The following PRKACB variants were observed in gnomAD, a reference collection of about 807,000 sequenced individuals.
PRKACB encodes protein kinase cAMP-activated catalytic subunit beta.
In PRKACB, 16 loss-of-function variants were observed where a neutral mutation model predicts 51.4. That is an observed-to-expected ratio of 0.31 (90% CI 0.21 to 0.47). PRKACB has a LOEUF of 0.47. Ranked by LOEUF, PRKACB falls within the 20% of genes least tolerant of loss-of-function variation. The pLI, the probability that PRKACB is intolerant of heterozygous loss-of-function variation, is 1.00. For missense variants in PRKACB, 309 were observed against 464.5 expected (o/e 0.67, Z 3.08); for synonymous variants, 147 against 154.4 (o/e 0.95, Z 0.35).
At chr1:84,204,336 T>C (rs1670975339) in intron 8 of PRKACB, 1 of 497,902 alleles carries the variant, frequency 2.0e-6, no homozygotes. Flanking sequence ...TAGCTAGGTG[T>C]TGAATGCTGT....
intron 8 of PRKACB, among the ~76,000 whole-genome samples, chr1:84,207,279 A>G (rs758762073): frequency 5.9e-5 from 9 of 152,166 alleles, no homozygotes; most frequent in Non-Finnish European, 8.8e-5. Flanking sequence ...TAGACTCATT[A>G]TATCTACCAC....
At chr1:84,133,541 G>A (rs1338761995) in intron 1 of PRKACB, among the ~76,000 whole-genome samples, 2 of 152,180 alleles carry the variant, frequency 1.3e-5, no homozygotes, top group African/African-American at 2.4e-5. Flanking sequence ...TGATGCCTTC[G>A]TGGTGGTGGG....
rs190982554 is a variant in PRKACB, at chr1:84,166,230, G to A, written c.188-12947G>A. On this transcript the variant is annotated intron_variant, in intron 1 of 9. Transcript: ENST00000370685. ...ATAATCTGCTGTTTTAAATTTGAAC[G>A]AATATTACAAAAACAACTTAACATT... Among the ~76,000 whole-genome samples, 55 of 151,662 alleles carry A rather than the reference G, an allele frequency of 3.6e-4. No homozygotes were observed. In the East Asian group the frequency reaches 0.01, roughly 28 times the overall value.
intron 1 of PRKACB, chr1:84,164,747 A>G: frequency 2.2e-6 from 3 of 1,373,744 alleles, no homozygotes; most frequent in Non-Finnish European, 2.8e-6. Flanking sequence ...AACTAGCTTG[A>G]AAGAAATTCA....
chr1:84,180,204 A>ATATATATATATG (rs1347501164), intron 2 of PRKACB, among the ~76,000 whole-genome samples: 5 of 124,026 alleles, frequency 4.0e-5, no homozygotes, highest in African/African-American at 1.4e-4. Flanking sequence ...ATATATATAT[A>ATATATATATATG]TATATGTATG....
Position 84,153,439 on chromosome 1 carries a change from T to C in PRKACB, c.187+8891T>C, listed in dbSNP as rs549327684. On this transcript the variant is annotated intron_variant, in intron 1 of 9. Transcript: ENST00000370685. ...AAGCAACACACAATAAAATGAGGGG[T>C]GTGCCTGTATTAATGCATTATTATT... is the stretch of plus-strand genomic sequence containing the variant. Among the ~76,000 whole-genome samples, 8 of 117,696 alleles carry C rather than the reference T, an allele frequency of 6.8e-5. No homozygotes were observed. In the East Asian group the frequency reaches 1.6e-3, roughly 24 times the overall value. 77.2% of individuals were successfully genotyped at this position (117,696 alleles called of 152,430 possible).
chr1:84,210,585 A>G (rs933145185), intron 8 of PRKACB, among the ~76,000 whole-genome samples: 2 of 152,194 alleles, frequency 1.3e-5, no homozygotes, highest in African/African-American at 4.8e-5. Context: ...TTTAGACTCA[A>G]TTAAACTAAG....
intron 9 of PRKACB, among the ~76,000 whole-genome samples, chr1:84,218,262 C>G (rs1481603634): frequency 2.0e-5 from 3 of 152,186 alleles, no homozygotes; most frequent in African/African-American, 7.2e-5. Context: ...TTCCTTCTGT[C>G]TAACTGTATG....
chr1:84,092,480 A>G (rs891102490), intron 1 of PRKACB, among the ~76,000 whole-genome samples: 1 of 152,198 alleles, frequency 6.6e-6, no homozygotes, highest in Non-Finnish European at 1.5e-5. Context: ...ACACTTGTAC[A>G]TGATTTTTGG....
At chr1:84,232,003 T>C (rs1480767185) in intron 9 of PRKACB, among the ~76,000 whole-genome samples, 1 of 151,404 alleles carries the variant, frequency 6.6e-6, no homozygotes, top group Non-Finnish European at 1.5e-5. Flanking sequence ...GTTCTTTTAA[T>C]TGTGATGTTA....
At chr1:84,196,303 C>G (rs1668227983) in intron 5 of PRKACB, among the ~76,000 whole-genome samples, 1 of 152,052 alleles carries the variant, frequency 6.6e-6, no homozygotes, top group Non-Finnish European at 1.5e-5. Context: ...CAATTATTCT[C>G]AAGATCAGAC....
chr1:84,147,874 A>T (rs549479824), intron 1 of PRKACB, among the ~76,000 whole-genome samples: 50 of 152,148 alleles, frequency 3.3e-4, no homozygotes, highest in Admixed American at 7.2e-4. Context: ...AAAGTTTTCT[A>T]TTAGACATCC....
intron 1 of PRKACB, among the ~76,000 whole-genome samples, chr1:84,133,172 A>G (rs1571726555): frequency 6.6e-6 from 1 of 152,302 alleles, no homozygotes; most frequent in East Asian, 1.9e-4. Flanking sequence ...GAAGAACAGA[A>G]TAAGAATTAT....
intron 1 of PRKACB, among the ~76,000 whole-genome samples, chr1:84,082,505 A>G (rs4907193): frequency 0.6 from 91,316 of 151,922 alleles, 28,868 homozygotes; most frequent in Non-Finnish European, 0.72. Flanking sequence ...ACTTATATTT[A>G]TTTTTTCCCA....
At chr1:84,154,188 A>G (rs1571859122) in intron 1 of PRKACB, among the ~76,000 whole-genome samples, 1 of 152,202 alleles carries the variant, frequency 6.6e-6, no homozygotes, top group African/African-American at 2.4e-5. Flanking sequence ...ATGCCTATTC[A>G]AGTCACCTGC....
chr1:84,112,863 C>T (rs1438421433), intron 1 of PRKACB, among the ~76,000 whole-genome samples: 1 of 151,940 alleles, frequency 6.6e-6, no homozygotes, highest in Non-Finnish European at 1.5e-5. Context: ...AACCTAAGAC[C>T]GAGTGACAGA....
chr1:84,082,565 T>C (rs188202843), intron 1 of PRKACB, among the ~76,000 whole-genome samples: 3 of 152,264 alleles, frequency 2.0e-5, no homozygotes, highest in East Asian at 1.9e-4. Context: ...ATAAAAAAAA[T>C]TATTATTTGA....
intron 1 of PRKACB, among the ~76,000 whole-genome samples, chr1:84,161,002 T>G (rs946421355): frequency 6.6e-6 from 1 of 151,870 alleles, no homozygotes; most frequent in Non-Finnish European, 1.5e-5. Flanking sequence ...ATGGTGTTAT[T>G]TAAGTTGTTT....
intron 1 of PRKACB, among the ~76,000 whole-genome samples, chr1:84,106,028 A>G (rs1649716950): frequency 6.6e-6 from 1 of 152,182 alleles, no homozygotes; most frequent in South Asian, 2.1e-4. Context: ...TTACAGTATA[A>G]TAGGTATTAT....
Sources: allele counts gnomAD v4.1 joint callset (sites outside exome capture counted in the v4.1 genomes callset), GRCh38; gene constraint gnomAD v4.1.1; transcripts MANE v1.5; gene names NCBI Gene and HGNC (gene_info 2026-07-23, HGNC 2026-07-21).